Variants in ERCC3 observed in about 807,000 individuals in gnomAD.
ERCC3 encodes ERCC excision repair 3, TFIIH core complex helicase subunit, also known as general transcription and DNA repair factor IIH helicase/translocase subunit XPB.
A neutral mutation model predicts 94.2 loss-of-function variants in ERCC3; 66 were observed. The observed-to-expected ratio is 0.70, with a 90% CI of 0.57 to 0.86. The LOEUF (loss-of-function observed/expected upper bound fraction) is 0.86. Among genes scored for constraint, ERCC3 ranks in the 40% least tolerant of loss-of-function variants. The pLI is 0.00. For missense variants in ERCC3, 829 were observed against 987.1 expected (o/e 0.84, Z 2.15); for synonymous variants, 349 against 369.1 (o/e 0.95, Z 0.63).
At position 127,257,456 on chromosome 2, in the gene ERCC3, C is replaced by G. The variant is rs1684045312; in HGVS notation, c.*140G>C. ...GATGACCTATGAAGGCACAGCCAAG[C>G]CCTTGATGCATCTTCCTCAGCACAA... On this transcript the variant is annotated 3_prime_UTR_variant, in exon 15 of 15. Transcript: ENST00000285398. This position sits in a 1 kb window ranked among gnomAD's most constrained non-coding sequence, Gnocchi z 5.4. 2 of 1,042,972 alleles carry G rather than the reference C, an allele frequency of 1.9e-6. No individual in the cohort carries two copies. Among genetic ancestry groups the G allele is most frequent in the Non-Finnish European group, 3.0e-6 (2 of 661,802 alleles). The allele number at this position is 1,042,972 out of a possible 1,614,324, so 64.6% of individuals were successfully genotyped here. A position where few individuals can be genotyped will look rare whatever the true frequency, so the allele number is the denominator to read the frequency against.
chr2:127,294,074 T>G lies in ERCC3; in HGVS notation c.8A>C (p.Lys3Thr). Reference sequence around the variant, plus strand: ...CTCACCGCGGTCCGCTCGGTCTCTTTTGCCCATGGCAGCTACAGCAGCAGA... The same window carrying G: ...CTCACCGCGGTCCGCTCGGTCTCTTGTGCCCATGGCAGCTACAGCAGCAGA... MG[K>T]RDRADRDKKK... Residue 3 changes from lysine (K) to threonine (T), a missense_variant, in exon 1 of 15, where the codon AAA becomes ACA. Transcript: ENST00000285398. The G allele has an allele frequency of 6.2e-7, 1 of 1,608,492 alleles. No homozygotes were observed. The highest frequency in any genetic ancestry group is 1.1e-5 in the South Asian group (1 of 90,984).
chr2:127,280,379 GATCTGATCACTCCCCT>G lies in ERCC3; in HGVS notation c.1527+52_1527+67del, dbSNP rs1230530879. The G allele has an allele frequency of 1.4e-6, 2 of 1,394,536 alleles. No homozygotes were observed. The highest frequency in any genetic ancestry group is 1.9e-5 in the Admixed American group (1 of 52,110). The allele number at this position is 1,394,536 out of a possible 1,614,324, so 86.4% of individuals were successfully genotyped here. ...GACCTGTGTCTGCCCATGAGGAATCGATCTGATCACTCCCCTGCCCATAGGAGGAGGCCCTTTCCCA... is the reference window on the plus strand; with the variant it reads ...GACCTGTGTCTGCCCATGAGGAATCGGCCCATAGGAGGAGGCCCTTTCCCA... On this transcript the variant is annotated intron_variant, in intron 9 of 14. Coordinates refer to ENST00000285398, the MANE Select transcript of ERCC3 (RefSeq NM_000122.2). This position sits in a 1 kb window ranked among gnomAD's most constrained non-coding sequence, Gnocchi z 6.3.
At chr2:127,272,813 C>T in intron 11 of ERCC3, 52 bp downstream of exon 11, 3 of 1,078,706 alleles carry the variant, frequency 2.8e-6, no homozygotes, top group Admixed American at 1.7e-5. Flanking sequence ...GTGTACCCCC[C>T]AGGTCCCCAG....
chr2:127,268,667 T>C (rs953088098), intron 12 of ERCC3, among the ~76,000 whole-genome samples: 1 of 152,238 alleles, frequency 6.6e-6, no homozygotes, highest in African/African-American at 2.4e-5. Context: ...ATGAGTTATA[T>C]GACCCTTTCT....
At position 127,280,269 on chromosome 2, in the gene ERCC3, A is replaced by T. The variant is rs886455051; in HGVS notation, c.1527+178T>A. ...TGTGAGATATGTGACAAGACAGAAG[A>T]TATGCAGCAAGTGGGTCTAGTACCA... On this transcript the variant is annotated intron_variant, in intron 9 of 14. Transcript: ENST00000285398. This position sits in a 1 kb window ranked among gnomAD's most constrained non-coding sequence, Gnocchi z 6.3. 3.3e-5 allele frequency among the ~76,000 whole-genome samples: 5 copies of T among 152,214 alleles called. No homozygotes were observed. The highest frequency in any genetic ancestry group is 2.6e-4 in the Admixed American group (4 of 15,280).
At position 127,259,736 on chromosome 2, in the gene ERCC3, G is replaced by A. The variant is rs1684135561; in HGVS notation, c.2065-288C>T. On this transcript the variant is annotated intron_variant, in intron 13 of 14. Transcript: ENST00000285398. The surrounding 1 kb of genome is among the most constrained non-coding windows in gnomAD (Gnocchi z 4.9). ...ATCATGTATGGAAGATCAACAGGAA[G>A]AATCTTAGTGATTTTAAAAGGCTCC... The A allele has an allele frequency of 1.4e-5, 6 of 442,692 alleles. No individual in the cohort carries two copies. Among genetic ancestry groups the A allele is most frequent in the South Asian group, 1.1e-4 (5 of 47,472 alleles). 27.4% of individuals were successfully genotyped at this position (442,692 alleles called of 1,614,324 possible). A position where few individuals can be genotyped will look rare whatever the true frequency, so the allele number is the denominator to read the frequency against.
chr2:127,289,505 T>C lies in ERCC3; in HGVS notation c.658-4A>G, dbSNP rs777029413. ...TGCTTTCAGCAGTCTTAGAAATCTG[T>C]GAGAGAGGTAGGTGCTGAACGTGCA... On this transcript the variant is annotated splice_region_variant and splice_polypyrimidine_tract_variant and intron_variant, in intron 5 of 14. Coordinates refer to ENST00000285398, the MANE Select transcript of ERCC3 (RefSeq NM_000122.2). 6.2e-7 allele frequency: 1 copy of C among 1,612,332 alleles called. No homozygotes were observed. The highest frequency in any genetic ancestry group is 8.5e-7 in the Non-Finnish European group (1 of 1,179,988).
intron 10 of ERCC3, among the ~76,000 whole-genome samples, chr2:127,275,241 G>A (rs1478879486): frequency 6.6e-6 from 1 of 152,044 alleles, no homozygotes; most frequent in East Asian, 1.9e-4. Flanking sequence ...TATTGCCCAA[G>A]CTGGACTTGA....
chr2:127,278,139 G>A (rs1162266468), intron 10 of ERCC3, among the ~76,000 whole-genome samples: 1 of 151,952 alleles, frequency 6.6e-6, no homozygotes. Flanking sequence ...TCGGGAGGCT[G>A]AGGTGGAAGG....
rs1278031081 is a variant in ERCC3 at position 127,280,107 on chromosome 2, G to A, written c.1527+340C>T. Among the ~76,000 whole-genome samples, 1 of 152,198 alleles carries A rather than the reference G, an allele frequency of 6.6e-6. No individual in the cohort carries two copies. Among genetic ancestry groups the A allele is most frequent in the African/African-American group, 2.4e-5 (1 of 41,446 alleles). ...GGCTATCAGAGCAAAGCCCTTTGCT[G>A]CCAGGCTCCCAGGCAGCACTGTGGT... is the stretch of plus-strand genomic sequence containing the variant. On this transcript the variant is annotated intron_variant, in intron 9 of 14. Transcript: ENST00000285398. The surrounding 1 kb of genome is among the most constrained non-coding windows in gnomAD (Gnocchi z 6.3).
intron 8 of ERCC3, among the ~76,000 whole-genome samples, chr2:127,282,837 C>A (rs1163649426): frequency 6.6e-6 from 1 of 152,186 alleles, no homozygotes; most frequent in Non-Finnish European, 1.5e-5. Flanking sequence ...GTGTGAGATG[C>A]ACCTTTTTGT....
In ERCC3 at chr2:127,284,711, TCA is replaced by T. The variant is rs1685014049; in HGVS notation, c.1342+1990_1342+1991del. ...TATTTTTTTTTTTTGAGACAGAGTC[TCA>T]CACTCTGTCACCCATGCTGGAGTAC... On this transcript the variant is annotated intron_variant, in intron 8 of 14. Transcript: ENST00000285398. The surrounding 1 kb of genome is among the most constrained non-coding windows in gnomAD (Gnocchi z 4.1). 6.6e-6 allele frequency among the ~76,000 whole-genome samples: 1 copy of T among 151,772 alleles called. No homozygotes were observed. The highest frequency in any genetic ancestry group is 1.5e-5 in the Non-Finnish European group (1 of 67,948).
rs957984204 is a variant in ERCC3 at position 127,264,997 on chromosome 2, G to A, written c.1946-3651C>T. Among the ~76,000 whole-genome samples the A allele has an allele frequency of 1.3e-5, 2 of 151,888 alleles. No homozygotes were observed. The highest frequency in any genetic ancestry group is 6.6e-5 in the Admixed American group (1 of 15,238). On this transcript the variant is annotated intron_variant, in intron 12 of 14. Transcript: ENST00000285398. This position sits in a 1 kb window ranked among gnomAD's most constrained non-coding sequence, Gnocchi z 4.4. ...CACGTGGATGGAATTACAGGCACAC[G>A]CCACCAAGCCCACCTAGTTTTGTAT...
intron 3 of ERCC3, 187 bp from the exon 4 acceptor site, chr2:127,290,460 G>T: frequency 1.5e-6 from 1 of 657,814 alleles, no homozygotes; most frequent in Admixed American, 2.3e-5. Flanking sequence ...TGCTTTCTGA[G>T]AACAAAATCT....
Position 127,271,444 on chromosome 2 carries a change from T to A in ERCC3, c.1837A>T (p.Thr613Ser). 1 of 1,612,710 alleles carries A rather than the reference T, an allele frequency of 6.2e-7. No individual in the cohort carries two copies. The highest frequency in any genetic ancestry group is 8.5e-7 in the Non-Finnish European group (1 of 1,178,820). Residue 613 changes from threonine (T) to serine (S), a missense_variant, in exon 12 of 15, where the codon ACT becomes TCT. Coordinates refer to ENST00000285398, the MANE Select transcript of ERCC3 (RefSeq NM_000122.2). The surrounding 1 kb of genome is among the most constrained non-coding windows in gnomAD (Gnocchi z 5.0). ...NTIFISKVGD[T>S]SFDLPEANVL... ...TTTGCTTCCGGCAGATCAAACGAAG[T>A]GTCACCTACCTACAGAAACAAGTTG...
At position 127,286,938 on chromosome 2, in the gene ERCC3, A is replaced by G; in HGVS notation, c.1107T>C (p.Val369=). 1 of 1,614,160 alleles carries G rather than the reference A, an allele frequency of 6.2e-7. No individual in the cohort carries two copies. Among genetic ancestry groups the G allele is most frequent in the Non-Finnish European group, 8.5e-7 (1 of 1,180,012 alleles). Residue 369 remains valine (V), a synonymous_variant, in exon 8 of 15, where the codon GTT becomes GTC. Coordinates refer to ENST00000285398, the MANE Select transcript of ERCC3 (RefSeq NM_000122.2). ...KRCLVLGNSA[V]SVEQWKAQFK... ...ACTGGGCTTTCCACTGCTCCACAGA[A>G]ACAGCTGAGTTGCCCAGCACCAGAC... is the stretch of plus-strand genomic sequence containing the variant.
At chr2:127,270,824 C>T (rs1375986256) in intron 12 of ERCC3, among the ~76,000 whole-genome samples, 1 of 152,212 alleles carries the variant, frequency 6.6e-6, no homozygotes, top group Non-Finnish European at 1.5e-5. Flanking sequence ...AATGAGGATT[C>T]TCACCTCCTC....
chr2:127,261,418 C>G lies in ERCC3; in HGVS notation c.1946-72G>C, dbSNP rs946687262. On this transcript the variant is annotated intron_variant, in intron 12 of 14. Coordinates refer to ENST00000285398, the MANE Select transcript of ERCC3 (RefSeq NM_000122.2). Reference sequence around the variant, plus strand: ...ATTAGAATGCCAAGAGCTAAGGGTCCCAGGCTCAAAAGCAAGCACTGGAGT... The same window carrying G: ...ATTAGAATGCCAAGAGCTAAGGGTCGCAGGCTCAAAAGCAAGCACTGGAGT... The G allele has an allele frequency of 2.5e-5, 25 of 987,166 alleles. No homozygotes were observed. In the Admixed American group the frequency reaches 4.1e-4, roughly 16 times the overall value. The allele number at this position is 987,166 out of a possible 1,614,324, so 61.2% of individuals were successfully genotyped here. A position where few individuals can be genotyped will look rare whatever the true frequency, so the allele number is the denominator to read the frequency against.
In ERCC3 at chr2:127,270,048, A is replaced by C. The variant is rs78508282; in HGVS notation, c.1945+1288T>G. 3.0e-3 allele frequency among the ~76,000 whole-genome samples: 409 copies of C among 136,114 alleles called. 7 individuals are homozygous for C. The highest frequency in any genetic ancestry group is 7.8e-3 in the African/African-American group (305 of 39,122). The allele number at this position is 136,114 out of a possible 152,430, so 89.3% of individuals were successfully genotyped here. The stretch of plus-strand genomic sequence containing the variant: ...TCAATCAATCAATCAATCAATCAAT[A>C]AAGGAGTTTTCAAATTAGAGTAAGG... On this transcript the variant is annotated intron_variant, in intron 12 of 14. Transcript: ENST00000285398.
Sources: allele counts gnomAD v4.1 joint callset (sites outside exome capture counted in the v4.1 genomes callset), GRCh38; gene constraint gnomAD v4.1.1; non-coding constraint Gnocchi (gnomAD v3.1); transcripts MANE v1.5; gene names NCBI Gene and HGNC (gene_info 2026-07-23, HGNC 2026-07-21).